The following BRI3BP variants were observed in gnomAD, a reference collection of about 807,000 sequenced individuals.
The protein encoded by BRI3BP is BRI3-binding protein.
Under a neutral mutation model 15.8 loss-of-function variants are expected in BRI3BP, and 7 were observed. The ratio of observed to expected loss-of-function variants is 0.44; its 90% CI spans 0.25 to 0.83. The LOEUF is 0.83. Among genes scored for constraint, BRI3BP ranks in the 40% least tolerant of loss-of-function variants. The pLI is 0.20. For missense variants in BRI3BP, 320 were observed against 339.3 expected (o/e 0.94, Z 0.45); for synonymous variants, 192 against 163.5 (o/e 1.17, Z -1.33).
chr12:125,020,138 G>C (rs928594833), intron 2 of BRI3BP, among the ~76,000 whole-genome samples: 20 of 151,828 alleles, frequency 1.3e-4, no homozygotes, highest in Admixed American at 2.0e-4. Context: ...TAGAGACAAG[G>C]TTTCGCCATA....
the BRI3BP span, among the ~76,000 whole-genome samples, chr12:125,039,320 A>T: frequency 6.6e-6 from 1 of 152,134 alleles, no homozygotes; most frequent in East Asian, 1.9e-4. Flanking sequence ...TTTTTTTTCA[A>T]ATGCATGCCT....
At chr12:125,048,733 AAAAG>A in the BRI3BP span, among the ~76,000 whole-genome samples, 1 of 152,052 alleles carries the variant, frequency 6.6e-6, no homozygotes, top group African/African-American at 2.4e-5. Flanking sequence ...AATTAAAAAA[AAAAG>A]AAATTCGGTT....
downstream of BRI3BP, among the ~76,000 whole-genome samples, chr12:125,035,899 A>C (rs1228813175): frequency 6.6e-6 from 1 of 152,158 alleles, no homozygotes; most frequent in Non-Finnish European, 1.5e-5. Flanking sequence ...TGATCTTCAC[A>C]GTAGCAAAAT....
intron 1 of BRI3BP, among the ~76,000 whole-genome samples, chr12:124,997,211 T>C (rs1955047935): frequency 1.9e-5 from 2 of 106,918 alleles, no homozygotes; most frequent in Non-Finnish European, 1.8e-5. Context: ...TTGCTTTACT[T>C]CTCTTTTTTT....
intron 1 of BRI3BP, among the ~76,000 whole-genome samples, chr12:125,005,644 G>T (rs1472826617): frequency 6.6e-6 from 1 of 152,066 alleles, no homozygotes; most frequent in Non-Finnish European, 1.5e-5. Context: ...GGTGCCTTAC[G>T]CCTGTAATCC....
In BRI3BP at chr12:125,003,254, C is replaced by A. The variant is rs11057976; in HGVS notation, c.213+9251C>A. On this transcript the variant is annotated intron_variant, in intron 1 of 2. Transcript: ENST00000341446. ...CAGGAAGGCCATTGTCACCCAACCC[C>A]GGTGTTGGATGTCCCCGGGTGTTGG... Among the ~76,000 whole-genome samples the A allele has an allele frequency of 2.6e-5, 4 of 152,122 alleles. No homozygotes were observed. The East Asian group carries it at 5.8e-4, about 22-fold the overall frequency.
intron 2 of BRI3BP, among the ~76,000 whole-genome samples, chr12:125,015,591 A>C (rs1387588786): frequency 6.6e-6 from 1 of 152,088 alleles, no homozygotes; most frequent in Admixed American, 6.6e-5. Context: ...TTACATGCGG[A>C]ATCTCTCAGC....
At position 124,994,287 on chromosome 12, in the gene BRI3BP, C is replaced by T. The variant is rs137894760; in HGVS notation, c.213+284C>T. Among the ~76,000 whole-genome samples the T allele has an allele frequency of 5.8e-3, 887 of 152,114 alleles. 5 individuals are homozygous for T. Among genetic ancestry groups the T allele is most frequent in the Middle Eastern group, 0.01 (3 of 292 alleles). On this transcript the variant is annotated intron_variant, in intron 1 of 2. Coordinates refer to ENST00000341446, the MANE Select transcript of BRI3BP (RefSeq NM_080626.6). ...GCAGCCAGAGTCTCTCCCGGCTGCG[C>T]TGACGCCTGCCGCGCGTCTCATTCA...
intron 2 of BRI3BP, among the ~76,000 whole-genome samples, chr12:125,016,225 C>G (rs7133048): frequency 0.29 from 44,545 of 151,974 alleles, 6,886 homozygotes; most frequent in South Asian, 0.46. Flanking sequence ...GCATCCGAAG[C>G]CCTTTGGAAT....
At chr12:125,011,551 T>A (rs1249658045) in intron 1 of BRI3BP, among the ~76,000 whole-genome samples, 1 of 152,152 alleles carries the variant, frequency 6.6e-6, no homozygotes, top group Non-Finnish European at 1.5e-5. Flanking sequence ...ACACCTGTGC[T>A]GCCATTGCAG....
chr12:125,017,018 TA>T (rs369548023), intron 2 of BRI3BP, among the ~76,000 whole-genome samples: 3,300 of 145,670 alleles, frequency 0.023, 142 homozygotes, highest in Admixed American at 0.11. Context: ...GTATTATTAT[TA>T]TTATTTTTTT....
At chr12:125,031,577 T>A (rs916174312), downstream of BRI3BP, among the ~76,000 whole-genome samples, 6 of 86,172 alleles carry the variant, frequency 7.0e-5, no homozygotes, top group Non-Finnish European at 9.9e-5. Flanking sequence ...TCTTTCTATT[T>A]TTTTTTTTTT....
At chr12:125,022,683 C>T (rs1005838081) in intron 2 of BRI3BP, among the ~76,000 whole-genome samples, 4 of 151,960 alleles carry the variant, frequency 2.6e-5, no homozygotes, top group East Asian at 1.9e-4. Flanking sequence ...TGCGCCACCA[C>T]GCCCAGCTAA....
rs932082269 is a variant in BRI3BP, at chr12:125,030,826, G to A, written c.*5396G>A. The A allele has an allele frequency of 6.6e-6, 1 of 152,202 alleles. No individual in the cohort carries two copies. The highest frequency in any genetic ancestry group is 1.5e-5 in the Non-Finnish European group (1 of 68,052). 9.4% of individuals were successfully genotyped at this position (152,202 alleles called of 1,614,324 possible). A position where few individuals can be genotyped will look rare whatever the true frequency, so the allele number is the denominator to read the frequency against. On this transcript the variant is annotated 3_prime_UTR_variant, in exon 3 of 3. Transcript: ENST00000341446. Reference sequence around the variant, plus strand: ...CTTCTTAACTGGAAATCACACTTGTGAGGTATGGTATCCATTATCAACAGT... The same window carrying A: ...CTTCTTAACTGGAAATCACACTTGTAAGGTATGGTATCCATTATCAACAGT...
downstream of BRI3BP, among the ~76,000 whole-genome samples, chr12:125,032,293 T>A (rs1594542874): frequency 6.6e-6 from 1 of 151,852 alleles, no homozygotes. Flanking sequence ...AAACCCCGTC[T>A]CTACTAAGAA....
At chr12:124,996,680 C>T (rs1266877170) in intron 1 of BRI3BP, among the ~76,000 whole-genome samples, 1 of 151,492 alleles carries the variant, frequency 6.6e-6, no homozygotes, top group African/African-American at 2.4e-5. Flanking sequence ...CTGTAGTTTT[C>T]AGCATGCCTG....
intron 1 of BRI3BP, among the ~76,000 whole-genome samples, chr12:125,011,821 C>T (rs1350612920): frequency 1.3e-5 from 2 of 152,160 alleles, no homozygotes; most frequent in African/African-American, 4.8e-5. Flanking sequence ...GGCTCAGGGT[C>T]CTTAGAGTTG....
At chr12:125,005,854 G>C (rs1955138804) in intron 1 of BRI3BP, among the ~76,000 whole-genome samples, 1 of 151,892 alleles carries the variant, frequency 6.6e-6, no homozygotes, top group Admixed American at 6.6e-5. Flanking sequence ...CTGCCTCCAG[G>C]CTTTGGGCTT....
At chr12:125,037,839 AAAAG>A in the BRI3BP span, among the ~76,000 whole-genome samples, 1 of 151,884 alleles carries the variant, frequency 6.6e-6, no homozygotes, top group Non-Finnish European at 1.5e-5. Flanking sequence ...AAAGAAAAGA[AAAAG>A]AAACTGGTGC....
Sources: allele counts gnomAD v4.1 joint callset (sites outside exome capture counted in the v4.1 genomes callset), GRCh38; gene constraint gnomAD v4.1.1; transcripts MANE v1.5; gene names NCBI Gene and HGNC (gene_info 2026-07-23, HGNC 2026-07-21).